Variants in CLASP2 observed in about 807,000 individuals in gnomAD.
The protein encoded by CLASP2 is cytoplasmic linker associated protein 2.
In CLASP2, 47 loss-of-function variants were observed where a neutral mutation model predicts 194.4. The observed-to-expected ratio is 0.24, with a 90% confidence interval of 0.19 to 0.31. The LOEUF is 0.31. CLASP2 is among the 10% of genes least tolerant of loss of function. The probability of loss-of-function intolerance (pLI) is 1.00; values close to 1 mark genes in which losing one functional copy is unlikely to be tolerated. For missense variants in CLASP2, 1,445 were observed against 1,823.6 expected (o/e 0.79, Z 3.78); for synonymous variants, 619 against 633.5 (o/e 0.98, Z 0.34).
At chr3:33,527,324 T>C (rs574484026) in intron 34 of CLASP2, among the ~76,000 whole-genome samples, 1 of 152,240 alleles carries the variant, frequency 6.6e-6, no homozygotes, top group South Asian at 2.1e-4. Flanking sequence ...CATCAGAAAC[T>C]ACTACGAACA....
At chr3:33,602,046 C>G (rs1181473136) in intron 18 of CLASP2, among the ~76,000 whole-genome samples, 1 of 148,198 alleles carries the variant, frequency 6.7e-6, no homozygotes, top group Non-Finnish European at 1.5e-5. Flanking sequence ...CGGAGTCTCA[C>G]TCTGTCGCCC....
In CLASP2 at chr3:33,574,110, T is replaced by C. The variant is rs540833441; in HGVS notation, c.2455-756A>G. On this transcript the variant is annotated intron_variant, in intron 24 of 38. Transcript: ENST00000682230. The stretch of plus-strand genomic sequence containing the variant: ...TATACCTTGCATATTTCAAGTGAAA[T>C]GAGAAAGAATAGTTTATTTAAGATT... 1.1e-4 allele frequency among the ~76,000 whole-genome samples: 16 copies of C among 152,284 alleles called. No homozygotes were observed. In the East Asian group the frequency reaches 2.1e-3, roughly 20 times the overall value.
At chr3:33,583,053 A>G (rs1044649605) in intron 22 of CLASP2, among the ~76,000 whole-genome samples, 1 of 152,236 alleles carries the variant, frequency 6.6e-6, no homozygotes, top group Non-Finnish European at 1.5e-5. Context: ...CGAGCAAAGC[A>G]AAAGAGCAAA....
At chr3:33,556,267 T>G (rs563883508) in intron 29 of CLASP2, among the ~76,000 whole-genome samples, 1 of 152,276 alleles carries the variant, frequency 6.6e-6, no homozygotes, top group South Asian at 2.1e-4. Flanking sequence ...ATTTTCTAGA[T>G]CTGATACTCA....
chr3:33,559,808 C>T (rs563419514), intron 28 of CLASP2, among the ~76,000 whole-genome samples: 2 of 152,122 alleles, frequency 1.3e-5, no homozygotes, highest in East Asian at 3.9e-4. Context: ...GCAGGAGAAT[C>T]GCTTGAACCC....
At chr3:33,712,213 G>A (rs1004083536) in intron 1 of CLASP2, among the ~76,000 whole-genome samples, 19 of 152,150 alleles carry the variant, frequency 1.2e-4, no homozygotes, top group Admixed American at 1.3e-4. Flanking sequence ...GTCTTTTACA[G>A]CAACTTGGAT....
intron 18 of CLASP2, among the ~76,000 whole-genome samples, chr3:33,597,802 G>A (rs1435877797): frequency 6.6e-6 from 1 of 150,906 alleles, no homozygotes; most frequent in East Asian, 1.9e-4. Flanking sequence ...ACCCAGGCTG[G>A]AGTGCAATGG....
At chr3:33,566,041 A>C (rs2062683235) in intron 27 of CLASP2, among the ~76,000 whole-genome samples, 1 of 152,100 alleles carries the variant, frequency 6.6e-6, no homozygotes, top group South Asian at 2.1e-4. Context: ...ATACATATCT[A>C]TCTTCATTCA....
At chr3:33,569,032 T>G (rs1320695927) in intron 26 of CLASP2, among the ~76,000 whole-genome samples, 4 of 152,188 alleles carry the variant, frequency 2.6e-5, no homozygotes, top group Admixed American at 2.6e-4. Flanking sequence ...CCATTACATT[T>G]GTCTTCACAG....
chr3:33,638,338 TCC>T (rs1246648965), intron 8 of CLASP2, among the ~76,000 whole-genome samples: 13 of 152,188 alleles, frequency 8.5e-5, no homozygotes, highest in Middle Eastern at 3.2e-3. Context: ...GGAGTCTCGC[TCC>T]GTCGCCCAGG....
At chr3:33,520,782 T>C (rs921475561) in intron 34 of CLASP2, among the ~76,000 whole-genome samples, 2 of 151,368 alleles carry the variant, frequency 1.3e-5, no homozygotes, top group African/African-American at 4.9e-5. Context: ...TGTAAAAACA[T>C]GGTTTTTGAT....
At chr3:33,551,491 T>G in intron 29 of CLASP2, 96 bp from the exon 30 acceptor site, 3 of 1,280,152 alleles carry the variant, frequency 2.3e-6, no homozygotes, top group Non-Finnish European at 2.1e-6. Context: ...TGATGATTTT[T>G]TTTTTTATAT....
intron 1 of CLASP2, among the ~76,000 whole-genome samples, chr3:33,705,977 G>A (rs1365310785): frequency 6.6e-6 from 1 of 152,206 alleles, no homozygotes; most frequent in Non-Finnish European, 1.5e-5. Flanking sequence ...TGATGGCTGG[G>A]TGCGGTGGCT....
At chr3:33,568,553 CAAAAAAAAAA>C (rs568821764) in intron 26 of CLASP2, among the ~76,000 whole-genome samples, 1 of 56,844 alleles carries the variant, frequency 1.8e-5, no homozygotes, top group Non-Finnish European at 3.1e-5. Context: ...GATCTTGTCT[CAAAAAAAAAA>C]AAAAAAAAAA....
intron 20 of CLASP2, among the ~76,000 whole-genome samples, chr3:33,593,861 T>A (rs2069482100): frequency 1.3e-5 from 2 of 152,212 alleles, no homozygotes; most frequent in Admixed American, 1.3e-4. Context: ...ATTTATTTCT[T>A]GACACACAAT....
intron 21 of CLASP2, among the ~76,000 whole-genome samples, chr3:33,587,589 C>T (rs924814557): frequency 6.6e-6 from 1 of 152,110 alleles, no homozygotes; most frequent in African/African-American, 2.4e-5. Context: ...TAACAATTTA[C>T]TGTCTGTATA....
At chr3:33,587,483 A>C (rs1005480511) in intron 21 of CLASP2, among the ~76,000 whole-genome samples, 1 of 152,200 alleles carries the variant, frequency 6.6e-6, no homozygotes, top group African/African-American at 2.4e-5. Context: ...ATTTATATTA[A>C]TGCTTAATTC....
At chr3:33,713,557 A>C (rs2093139348) in intron 1 of CLASP2, among the ~76,000 whole-genome samples, 5 of 152,232 alleles carry the variant, frequency 3.3e-5, no homozygotes, top group African/African-American at 1.2e-4. Flanking sequence ...AGGTGACACC[A>C]ATGTTGGGAA....
chr3:33,670,721 G>A (rs2087001558), intron 6 of CLASP2, among the ~76,000 whole-genome samples: 1 of 152,122 alleles, frequency 6.6e-6, no homozygotes, highest in Non-Finnish European at 1.5e-5. Context: ...TTAACAAATT[G>A]GTGGAGGATC....
Sources: allele counts gnomAD v4.1 joint callset (sites outside exome capture counted in the v4.1 genomes callset), GRCh38; gene constraint gnomAD v4.1.1; transcripts MANE v1.5; gene names NCBI Gene and HGNC (gene_info 2026-07-23, HGNC 2026-07-21).